CFAP54: variants seen among roughly 807,000 people sequenced by gnomAD.
CFAP54 encodes cilia and flagella associated protein 54.
A neutral mutation model predicts 370.4 loss-of-function variants in CFAP54; 290 were observed. The observed-to-expected ratio is 0.78, with a 90% CI of 0.71 to 0.86. The LOEUF is 0.86. Among genes scored for constraint, CFAP54 ranks in the 40% least tolerant of loss-of-function variants. The pLI, the probability that CFAP54 is intolerant of heterozygous loss-of-function variation, is 0.00. For missense variants in CFAP54, 3,399 were observed against 3,528.7 expected (o/e 0.96, Z 0.93); for synonymous variants, 1,206 against 1,236.5 (o/e 0.98, Z 0.52).
In CFAP54 at chr12:96,527,353, AATACTGCAAACTGGACCC is replaced by A; in HGVS notation, c.1269_1286del (p.Leu424_Ile429del). ...AAGCTCTTTCTGATTCAAATAGGCGAATACTGCAAACTGGACCCATTGTTACAGATGAAGTGGAGATTC... is the reference window on the plus strand; with the variant it reads ...AAGCTCTTTCTGATTCAAATAGGCGAATTGTTACAGATGAAGTGGAGATTC... On this transcript the variant is annotated inframe_deletion, in exon 9 of 68. Coordinates refer to ENST00000524981, the MANE Select transcript of CFAP54 (RefSeq NM_001306084.2). The A allele has an allele frequency of 6.5e-7, 1 of 1,535,974 alleles. No individual in the cohort carries two copies. Among genetic ancestry groups the A allele is most frequent in the Non-Finnish European group, 8.7e-7 (1 of 1,146,780 alleles).
In CFAP54 at chr12:96,720,384, T is replaced by C. The variant is rs753090662; in HGVS notation, c.6805-21T>C. ...TTGTATTATTTCTGAACTCACGTGA[T>C]GTATGGTATCCTTTCCTTAGTCGAT... On this transcript the variant is annotated intron_variant, in intron 49 of 67. Coordinates refer to ENST00000524981, the MANE Select transcript of CFAP54 (RefSeq NM_001306084.2). 4 of 1,402,622 alleles carry C rather than the reference T, an allele frequency of 2.9e-6. No homozygotes were observed. The South Asian group carries it at 5.3e-5, about 19-fold the overall frequency. The allele number at this position is 1,402,622 out of a possible 1,614,324, so 86.9% of individuals were successfully genotyped here.
rs1960285598 is a variant in CFAP54 at position 96,875,455 on chromosome 12, A to T, written c.*352A>T. On this transcript the variant is annotated 3_prime_UTR_variant, in exon 68 of 68. Coordinates refer to ENST00000524981, the MANE Select transcript of CFAP54 (RefSeq NM_001306084.2). Reference sequence around the variant, plus strand: ...CAGCTCGCTCTCATTTGTCCAGCTTATCTATTTCTTTATCAAGTTGCTTTG... The same window carrying T: ...CAGCTCGCTCTCATTTGTCCAGCTTTTCTATTTCTTTATCAAGTTGCTTTG... The T allele has an allele frequency of 6.6e-6, 1 of 152,106 alleles. No individual in the cohort carries two copies. Among genetic ancestry groups the T allele is most frequent in the East Asian group, 1.9e-4 (1 of 5,190 alleles). The allele number at this position is 152,106 out of a possible 1,614,324, so 9.4% of individuals were successfully genotyped here. A position where few individuals can be genotyped will look rare whatever the true frequency, so the allele number is the denominator to read the frequency against.
chr12:96,590,386 A>G lies in CFAP54; in HGVS notation c.3212+823A>G, dbSNP rs188684481. On this transcript the variant is annotated intron_variant, in intron 23 of 67. Coordinates refer to ENST00000524981, the MANE Select transcript of CFAP54 (RefSeq NM_001306084.2). ...ACAAAGTTTTGAAGCAGGCTCAGAAATGAGCATTACTGTAATTTCAGGCGG... is the reference window on the plus strand; with the variant it reads ...ACAAAGTTTTGAAGCAGGCTCAGAAGTGAGCATTACTGTAATTTCAGGCGG... Among the ~76,000 whole-genome samples the G allele has an allele frequency of 3.0e-3, 460 of 152,366 alleles. 4 individuals carry two copies. Among genetic ancestry groups the G allele is most frequent in the African/African-American group, 0.01 (421 of 41,590 alleles).
At chr12:96,618,460 G>A (rs1261790460) in intron 26 of CFAP54, among the ~76,000 whole-genome samples, 2 of 152,196 alleles carry the variant, frequency 1.3e-5, no homozygotes, top group Non-Finnish European at 2.9e-5. Flanking sequence ...CTCAAGGAGG[G>A]AAGGGTGGTT....
Position 96,786,842 on chromosome 12 carries a change from T to TTG in CFAP54, c.8623_8624insTG (p.Cys2875LeufsTer44). On this transcript the variant is annotated frameshift_variant, in exon 62 of 68. Coordinates refer to ENST00000524981, the MANE Select transcript of CFAP54 (RefSeq NM_001306084.2). LOFTEE classifies it high-confidence loss of function. Reference sequence around the variant, plus strand: ...TGATGAATTTCCAAAAGAACTTCTTTGTCAACTGGAAAATCCCCCTCTTTC... The same window carrying TTG: ...TGATGAATTTCCAAAAGAACTTCTTTTGGTCAACTGGAAAATCCCCCTCTTTC... 6.5e-7 allele frequency: 1 copy of TTG among 1,535,738 alleles called. No homozygotes were observed.
chr12:96,746,705 T>A (rs1378044118), intron 55 of CFAP54, among the ~76,000 whole-genome samples: 2 of 151,202 alleles, frequency 1.3e-5, no homozygotes, highest in African/African-American at 2.4e-5. Context: ...CACCCAACCC[T>A]CTGGTCACAC....
chr12:96,742,259 G>A (rs867773025), intron 51 of CFAP54, among the ~76,000 whole-genome samples, 180 bp from the exon 52 acceptor site: 1 of 152,144 alleles, frequency 6.6e-6, no homozygotes, highest in African/African-American at 2.4e-5. Context: ...TGGATTGTGG[G>A]TGATTTTGTT....
chr12:96,827,009 A>ATAATATGCAATTATATGTGATTATATG (rs1959123713), intron 65 of CFAP54, among the ~76,000 whole-genome samples: 2 of 133,322 alleles, frequency 1.5e-5, no homozygotes, highest in Non-Finnish European at 3.1e-5. Flanking sequence ...ATGATTAATT[A>ATAATATGCAATTATATGTGATTATATG]TAATATGCAA....
chr12:96,841,923 A>G (rs1472681661), intron 66 of CFAP54, among the ~76,000 whole-genome samples: 1 of 152,270 alleles, frequency 6.6e-6, no homozygotes, highest in Non-Finnish European at 1.5e-5. Flanking sequence ...TTTCTCCGAT[A>G]GGATTACATT....
intron 46 of CFAP54, 95 bp from the exon 47 acceptor site, chr12:96,704,645 AATG>A (rs1375806398): frequency 4.6e-6 from 2 of 430,262 alleles, no homozygotes; most frequent in African/African-American, 2.1e-5. Flanking sequence ...TTCCAATAAA[AATG>A]ATAATTAAAA....
chr12:96,763,034 G>A (rs1393517643), intron 58 of CFAP54, among the ~76,000 whole-genome samples: 2 of 152,014 alleles, frequency 1.3e-5, no homozygotes, highest in African/African-American at 4.8e-5. Context: ...TAAAGAATTG[G>A]TCAAAATATG....
intron 43 of CFAP54, among the ~76,000 whole-genome samples, chr12:96,689,505 G>C (rs1291255573): frequency 6.6e-6 from 1 of 152,132 alleles, no homozygotes; most frequent in African/African-American, 2.4e-5. Flanking sequence ...TTACACTGCA[G>C]AAGAAGGAGT....
At chr12:96,800,860 G>A (rs1304472998) in intron 63 of CFAP54, among the ~76,000 whole-genome samples, 1 of 152,176 alleles carries the variant, frequency 6.6e-6, no homozygotes, top group Admixed American at 6.5e-5. Flanking sequence ...GACACAGGAT[G>A]GAAGAATATT....
chr12:96,700,182 T>C, intron 46 of CFAP54, 89 bp downstream of exon 46: 4 of 1,376,794 alleles, frequency 2.9e-6, no homozygotes, highest in Non-Finnish European at 4.0e-6. Flanking sequence ...AAAGTGTATT[T>C]ACAATCTCTG....
chr12:96,644,499 T>A, intron 33 of CFAP54, 91 bp downstream of exon 33: 1 of 918,940 alleles, frequency 1.1e-6, no homozygotes, highest in Non-Finnish European at 1.6e-6. Flanking sequence ...GCTAACAACT[T>A]AAGGAGGTTT....
intron 60 of CFAP54, among the ~76,000 whole-genome samples, chr12:96,773,820 A>G (rs1958488665): frequency 6.6e-6 from 1 of 152,168 alleles, no homozygotes; most frequent in African/African-American, 2.4e-5. Context: ...TACATCTTAT[A>G]CATTTGTATC....
At chr12:96,514,472 C>T (rs1446054402) in intron 5 of CFAP54, among the ~76,000 whole-genome samples, 1 of 152,206 alleles carries the variant, frequency 6.6e-6, no homozygotes, top group Non-Finnish European at 1.5e-5. Flanking sequence ...ACTTGGCCCG[C>T]AGACTACTGC....
chr12:96,617,202 T>C (rs946150550), intron 26 of CFAP54, among the ~76,000 whole-genome samples: 4 of 152,128 alleles, frequency 2.6e-5, no homozygotes, highest in African/African-American at 9.7e-5. Context: ...TTTAAACAGA[T>C]TGAATTTTGG....
Position 96,628,530 on chromosome 12 carries a change from C to T in CFAP54, c.4104-1563C>T, listed in dbSNP as rs188283569. Among the ~76,000 whole-genome samples, 4 of 152,180 alleles carry T rather than the reference C, an allele frequency of 2.6e-5. 1 individual carries two copies. The highest frequency in any genetic ancestry group is 2.6e-4 in the Admixed American group (4 of 15,274). On this transcript the variant is annotated intron_variant, in intron 30 of 67. Transcript: ENST00000524981. ...GAGAGGAGAGGCTGTAGAGAAGAGA[C>T]GTAGCTGGTTGGAAATGGAAGGCAG...
Sources: gnomAD v4.1 joint callset for allele counts (sites outside exome capture counted in the v4.1 genomes callset) on GRCh38, gnomAD v4.1.1 for gene constraint, MANE v1.5 for transcripts, NCBI Gene and HGNC (gene_info 2026-07-23, HGNC 2026-07-21) for gene names.